NEDD4L: variants seen among roughly 807,000 people sequenced by gnomAD.
NEDD4L encodes NEDD4 like E3 ubiquitin protein ligase.
NEDD4L carries 54 observed loss-of-function variants against 148.9 expected under a neutral mutation model. The ratio of observed to expected loss-of-function variants is 0.36; its 90% CI spans 0.29 to 0.45. The LOEUF is 0.45. NEDD4L is among the 20% of genes least tolerant of loss of function. The probability of loss-of-function intolerance (pLI) is 1.00; values close to 1 mark genes in which losing one functional copy is unlikely to be tolerated. For synonymous variants in NEDD4L, 433 were observed against 440.7 expected (o/e 0.98, Z 0.22); for missense variants, 856 against 1,233.8 (o/e 0.69, Z 4.59).
At chr18:58,059,206 C>T (rs539344682) in intron 1 of NEDD4L, among the ~76,000 whole-genome samples, 3 of 152,180 alleles carry the variant, frequency 2.0e-5, no homozygotes, top group East Asian at 3.9e-4. Context: ...AGGGATGACA[C>T]GTGTGAGCCA....
chr18:58,281,512 T>G (rs1231101871), intron 5 of NEDD4L, among the ~76,000 whole-genome samples: 1 of 152,118 alleles, frequency 6.6e-6, no homozygotes, highest in Non-Finnish European at 1.5e-5. Flanking sequence ...ATGGTCCCCT[T>G]CTTTATGTTA....
intron 26 of NEDD4L, among the ~76,000 whole-genome samples, chr18:58,386,040 A>G (rs544851924): frequency 1.5e-5 from 2 of 130,324 alleles, no homozygotes; most frequent in Non-Finnish European, 3.3e-5. Context: ...CCTGGGCTTG[A>G]TTGATTGATT....
chr18:58,074,653 G>A (rs1286171264), intron 1 of NEDD4L, among the ~76,000 whole-genome samples: 2 of 152,004 alleles, frequency 1.3e-5, no homozygotes, highest in Non-Finnish European at 2.9e-5. Flanking sequence ...GTATCAAAAA[G>A]TATCTGCCTG....
intron 13 of NEDD4L, among the ~76,000 whole-genome samples, chr18:58,337,914 T>G (rs1392769872): frequency 6.6e-6 from 1 of 152,188 alleles, no homozygotes; most frequent in Admixed American, 6.5e-5. Context: ...TCTGGCAGAC[T>G]AAGCCAGGGC....
At chr18:58,299,612 C>T (rs1238288894) in intron 5 of NEDD4L, among the ~76,000 whole-genome samples, 2 of 152,066 alleles carry the variant, frequency 1.3e-5, no homozygotes, top group Non-Finnish European at 2.9e-5. Context: ...AATCAATTTA[C>T]CCACACATTG....
At chr18:58,379,437 C>T (rs927716434) in intron 24 of NEDD4L, among the ~76,000 whole-genome samples, 1 of 152,206 alleles carries the variant, frequency 6.6e-6, no homozygotes, top group Non-Finnish European at 1.5e-5. Context: ...AGTCCCTCCC[C>T]TCCTGTGGTG....
chr18:58,235,657 C>G (rs1419250763), intron 2 of NEDD4L, among the ~76,000 whole-genome samples: 1 of 152,114 alleles, frequency 6.6e-6, no homozygotes, highest in Non-Finnish European at 1.5e-5. Flanking sequence ...TTGGCCAGAA[C>G]TGTTTTCAGT....
chr18:58,158,471 G>A (rs1159087943), intron 1 of NEDD4L, among the ~76,000 whole-genome samples: 3 of 152,222 alleles, frequency 2.0e-5, no homozygotes, highest in Non-Finnish European at 4.4e-5. Context: ...GAGTCACCTT[G>A]AGCATTTAAA....
chr18:58,352,886 C>T (rs116559598), intron 18 of NEDD4L, among the ~76,000 whole-genome samples: 1,689 of 152,220 alleles, frequency 0.011, 30 homozygotes, highest in African/African-American at 0.039. Context: ...TTTCGTATAC[C>T]GCAAGGAGCC....
intron 11 of NEDD4L, among the ~76,000 whole-genome samples, chr18:58,331,882 C>T (rs985261100): frequency 6.6e-6 from 1 of 152,148 alleles, no homozygotes; most frequent in African/African-American, 2.4e-5. Context: ...CAGTATACGC[C>T]TCTATTACAT....
In NEDD4L at chr18:58,367,714, G is replaced by A. The variant is rs749398094; in HGVS notation, c.2064-32G>A. 4 of 1,611,770 alleles carry A rather than the reference G, an allele frequency of 2.5e-6. No homozygotes were observed. In the East Asian group the frequency reaches 6.7e-5, roughly 27 times the overall value. On this transcript the variant is annotated intron_variant, in intron 21 of 30. Transcript: ENST00000400345. ...TGCAAAATCTTGCATTTGAAAGTGT[G>A]ATTGGGCTTTTCTTCTCTTTCTCCT... is the stretch of plus-strand genomic sequence containing the variant.
intron 4 of NEDD4L, among the ~76,000 whole-genome samples, chr18:58,249,160 A>AAATTATCC (rs1241758749): frequency 6.6e-6 from 1 of 152,210 alleles, no homozygotes; most frequent in African/African-American, 2.4e-5. Flanking sequence ...AGTCAAAAGA[A>AAATTATCC]AATTATCCAA....
intron 1 of NEDD4L, among the ~76,000 whole-genome samples, chr18:58,101,373 G>T (rs2084745313): frequency 6.6e-6 from 1 of 152,178 alleles, no homozygotes; most frequent in South Asian, 2.1e-4. Context: ...TCTGTGAATG[G>T]CTGAACTCAG....
At position 58,366,790 on chromosome 18, in the gene NEDD4L, A is replaced by T. The variant is rs1220084069; in HGVS notation, c.2063+562A>T. Among the ~76,000 whole-genome samples the T allele has an allele frequency of 6.6e-6, 1 of 152,158 alleles. No homozygotes were observed. Among genetic ancestry groups the T allele is most frequent in the Non-Finnish European group, 1.5e-5 (1 of 68,016 alleles). On this transcript the variant is annotated intron_variant, in intron 21 of 30. Transcript: ENST00000400345. This position sits in a 1 kb window ranked among gnomAD's most constrained non-coding sequence, Gnocchi z 4.2. ...TCCAGGCCAGCCATTCCTCCTTCAG[A>T]CTCTGAATCCTCCAAGGGTTGGGCA... is the stretch of plus-strand genomic sequence containing the variant.
At chr18:58,183,966 A>T (rs964463748) in intron 2 of NEDD4L, among the ~76,000 whole-genome samples, 1 of 152,214 alleles carries the variant, frequency 6.6e-6, no homozygotes, top group East Asian at 1.9e-4. Context: ...TCAGGAGATC[A>T]AGGCCATCCT....
At chr18:58,150,939 C>T (rs1482863248) in intron 1 of NEDD4L, among the ~76,000 whole-genome samples, 3 of 152,224 alleles carry the variant, frequency 2.0e-5, no homozygotes, top group Non-Finnish European at 4.4e-5. Context: ...TCCTTGACTC[C>T]TCCACCTCCA....
Position 58,256,754 on chromosome 18 carries a change from T to C in NEDD4L, c.297+4700T>C, listed in dbSNP as rs2048640316. On this transcript the variant is annotated intron_variant, in intron 5 of 30. Transcript: ENST00000400345. This position sits in a 1 kb window ranked among gnomAD's most constrained non-coding sequence, Gnocchi z 5.2. ...GGAGAAAAGCGCCAAAAGCCCTGTT[T>C]CCACGGGAGCTGACACCACGGTAAG... 1 of 1,231,878 alleles carries C rather than the reference T, an allele frequency of 8.1e-7. No homozygotes were observed. The highest frequency in any genetic ancestry group is 4.2e-5 in the Admixed American group (1 of 23,698). 76.3% of individuals were successfully genotyped at this position (1,231,878 alleles called of 1,614,324 possible).
chr18:58,104,109 C>G (rs112659437), intron 1 of NEDD4L, among the ~76,000 whole-genome samples: 1 of 152,290 alleles, frequency 6.6e-6, no homozygotes, highest in African/African-American at 2.4e-5. Context: ...TGTGATATAT[C>G]CACGCACTGG....
At chr18:58,159,794 G>A (rs1048230252) in intron 1 of NEDD4L, among the ~76,000 whole-genome samples, 13 of 152,188 alleles carry the variant, frequency 8.5e-5, no homozygotes, top group African/African-American at 3.1e-4. Flanking sequence ...CCCTAAGCCT[G>A]CAAATGTGAT....
Sources: allele counts gnomAD v4.1 joint callset (sites outside exome capture counted in the v4.1 genomes callset), GRCh38; gene constraint gnomAD v4.1.1; non-coding constraint Gnocchi (gnomAD v3.1); transcripts MANE v1.5; gene names NCBI Gene and HGNC (gene_info 2026-07-23, HGNC 2026-07-21).